Variants in RALYL observed in about 807,000 individuals in gnomAD.
RALYL encodes RNA-binding Raly-like protein.
RALYL carries 29 observed loss-of-function variants against 35.1 expected under a neutral mutation model. That is an observed-to-expected ratio of 0.83 (90% CI 0.61 to 1.13). The LOEUF (loss-of-function observed/expected upper bound fraction) is 1.13, where lower values mean the gene tolerates loss of function less well. Among genes scored for constraint, RALYL ranks in the 50% most tolerant of loss-of-function variants. RALYL has a pLI of 0.00. For synonymous variants in RALYL, 120 were observed against 127.6 expected, an observed-to-expected ratio of 0.94 and a Z score of 0.40; for missense variants, 359 against 360.4, an observed-to-expected ratio of 1.00 and a Z score of 0.03.
At chr8:84,424,435 C>G (rs1343136763) in intron 1 of RALYL, among the ~76,000 whole-genome samples, 1 of 132,136 alleles carries the variant, frequency 7.6e-6, no homozygotes, top group Non-Finnish European at 1.6e-5. Flanking sequence ...ATTGGTTATT[C>G]TAGTTATACA....
At chr8:84,598,134 C>G (rs1253064248) in intron 2 of RALYL, among the ~76,000 whole-genome samples, 2 of 152,070 alleles carry the variant, frequency 1.3e-5, no homozygotes, top group Non-Finnish European at 2.9e-5. Context: ...CATGGAATGC[C>G]TTACTCCTCC....
At chr8:84,709,225 C>T (rs566065627) in intron 2 of RALYL, among the ~76,000 whole-genome samples, 1 of 152,168 alleles carries the variant, frequency 6.6e-6, no homozygotes, top group African/African-American at 2.4e-5. Flanking sequence ...CCCTCATTGC[C>T]TCCATAACAC....
intron 1 of RALYL, among the ~76,000 whole-genome samples, chr8:84,235,360 T>C (rs1199671062): frequency 6.6e-6 from 1 of 152,188 alleles, no homozygotes; most frequent in East Asian, 1.9e-4. Context: ...ATTATCAGCT[T>C]CCCCTCTTCC....
chr8:84,858,572 G>A (rs956880208), intron 5 of RALYL, among the ~76,000 whole-genome samples: 3 of 152,134 alleles, frequency 2.0e-5, no homozygotes, highest in Non-Finnish European at 2.9e-5. Context: ...TAATTCTGCT[G>A]GATTGCCATT....
intron 2 of RALYL, among the ~76,000 whole-genome samples, chr8:84,720,802 A>C (rs913630674): frequency 4.6e-5 from 7 of 152,220 alleles, no homozygotes; most frequent in East Asian, 1.9e-4. Flanking sequence ...GCAAAAAAAA[A>C]CAATGTGATT....
At chr8:84,200,882 A>C (rs545273912) in intron 1 of RALYL, among the ~76,000 whole-genome samples, 1 of 152,202 alleles carries the variant, frequency 6.6e-6, no homozygotes, top group East Asian at 1.9e-4. Flanking sequence ...TATTGTTTAC[A>C]TTAATTTAAG....
chr8:84,864,599 T>A, intron 6 of RALYL: 1 of 249,566 alleles, frequency 4.0e-6, no homozygotes. Flanking sequence ...ATCCTAAGGA[T>A]TAAATCTAAG....
intron 1 of RALYL, among the ~76,000 whole-genome samples, chr8:84,209,960 A>T (rs995182727): frequency 2.6e-5 from 4 of 152,102 alleles, no homozygotes; most frequent in African/African-American, 9.7e-5. Flanking sequence ...CAACCTATGT[A>T]GTGTGATTAT....
chr8:84,215,368 T>G (rs1395163044), intron 1 of RALYL, among the ~76,000 whole-genome samples: 3 of 152,100 alleles, frequency 2.0e-5, no homozygotes, highest in Non-Finnish European at 4.4e-5. Context: ...AATGTGTTCT[T>G]TCTGTTTATA....
At position 84,696,754 on chromosome 8, in the gene RALYL, G is replaced by T. The variant is rs1839228163; in HGVS notation, c.257-77825G>T. 2.0e-5 allele frequency among the ~76,000 whole-genome samples: 3 copies of T among 152,014 alleles called. No individual in the cohort carries two copies. In the South Asian group the frequency reaches 6.2e-4, roughly 31 times the overall value. ...ACATCTAAAAACGGTTTTTATAATG[G>T]TAAGAGAATCATGAATTTCATTTAC... On this transcript the variant is annotated intron_variant, in intron 2 of 8. Transcript: ENST00000521268.
intron 1 of RALYL, among the ~76,000 whole-genome samples, chr8:84,426,473 T>TGTGTGTGGGG (rs781271546): frequency 1.3e-5 from 2 of 149,030 alleles, no homozygotes; most frequent in African/African-American, 2.5e-5. Flanking sequence ...TGTGTGTGTG[T>TGTGTGTGGGG]GGGTTTAGAT....
chr8:84,529,600 T>C, intron 2 of RALYL, 23 bp downstream of exon 2: 1 of 1,594,610 alleles, frequency 6.3e-7, no homozygotes, highest in Non-Finnish European at 8.6e-7. Flanking sequence ...CAGACATGGA[T>C]CTCACGTTAT....
intron 1 of RALYL, among the ~76,000 whole-genome samples, chr8:84,202,359 T>C (rs1817038760): frequency 6.7e-6 from 1 of 149,742 alleles, no homozygotes. Flanking sequence ...ATATGATCTA[T>C]TGAAGGGATT....
At chr8:84,619,348 T>C (rs1820688167) in intron 2 of RALYL, among the ~76,000 whole-genome samples, 1 of 151,360 alleles carries the variant, frequency 6.6e-6, no homozygotes. Flanking sequence ...CATTATGTAA[T>C]GGCCTTCTTT....
intron 1 of RALYL, among the ~76,000 whole-genome samples, chr8:84,323,714 A>G (rs1449618743): frequency 6.6e-6 from 1 of 152,118 alleles, no homozygotes; most frequent in African/African-American, 2.4e-5. Flanking sequence ...GATATCCTAT[A>G]TGACCACACA....
intron 1 of RALYL, among the ~76,000 whole-genome samples, chr8:84,377,464 T>TTGTTTGTTTGTTTGTTTG (rs1563816455): frequency 1.6e-4 from 24 of 148,774 alleles, no homozygotes; most frequent in African/African-American, 5.9e-4. Context: ...TTTTTTTTTT[T>TTGTTTGTTTGTTTGTTTG]TTTTTTTTTT....
chr8:84,586,249 T>G (rs191487046), intron 2 of RALYL, among the ~76,000 whole-genome samples: 44 of 152,144 alleles, frequency 2.9e-4, no homozygotes, highest in Non-Finnish European at 8.8e-5. Flanking sequence ...TCTCCTGATT[T>G]CAGAAAGGCA....
At chr8:84,652,072 C>T (rs1329130631) in intron 2 of RALYL, among the ~76,000 whole-genome samples, 1 of 151,970 alleles carries the variant, frequency 6.6e-6, no homozygotes, top group Non-Finnish European at 1.5e-5. Flanking sequence ...ATTCCAGTCC[C>T]CTGTGATTGC....
intron 4 of RALYL, among the ~76,000 whole-genome samples, chr8:84,819,253 C>T (rs1827989182): frequency 6.6e-6 from 1 of 152,142 alleles, no homozygotes; most frequent in Admixed American, 6.5e-5. Flanking sequence ...CACAAAGTTT[C>T]CACAGCGCTA....
Sources: gnomAD v4.1 joint callset for allele counts (sites outside exome capture counted in the v4.1 genomes callset) on GRCh38, gnomAD v4.1.1 for gene constraint, MANE v1.5 for transcripts, NCBI Gene and HGNC (gene_info 2026-07-23, HGNC 2026-07-21) for gene names.